Variants in PCDHA1 observed in about 807,000 individuals in gnomAD.
PCDHA1 encodes the protein protocadherin alpha-1.
Under a neutral mutation model 61.3 loss-of-function variants are expected in PCDHA1, and 42 were observed. The observed-to-expected ratio is 0.69, with a 90% CI of 0.54 to 0.89. The LOEUF (loss-of-function observed/expected upper bound fraction) is 0.89, where lower values mean the gene tolerates loss of function less well. Ranked by LOEUF, PCDHA1 falls within the 40% of genes least tolerant of loss-of-function variation. The pLI is 0.00. For synonymous variants in PCDHA1, 610 were observed against 553.8 expected (o/e 1.10, Z -1.43); for missense variants, 1,256 against 1,235.3 (o/e 1.02, Z -0.25).
chr5:140,912,533 A>G (rs570012858), intron 1 of PCDHA1, among the ~76,000 whole-genome samples: 1 of 152,224 alleles, frequency 6.6e-6, no homozygotes, highest in African/African-American at 2.4e-5. Flanking sequence ...AGAGTACATG[A>G]TCATATTGTC....
At chr5:140,875,723 T>G in intron 1 of PCDHA1, 1 of 1,614,194 alleles carries the variant, frequency 6.2e-7, no homozygotes, top group South Asian at 1.1e-5. Context: ...AATGGCATTT[T>G]GTTTGTGAAT....
intron 1 of PCDHA1, chr5:140,813,516 A>C (rs1428913887): frequency 3.3e-5 from 5 of 152,222 alleles, no homozygotes; most frequent in African/African-American, 9.6e-5. Context: ...AACATTGTAC[A>C]GATTTTTAAA....
intron 1 of PCDHA1, chr5:140,870,871 G>T (rs1257856778): frequency 1.2e-6 from 2 of 1,613,826 alleles, no homozygotes; most frequent in African/African-American, 2.7e-5. Context: ...GGGCCACGTG[G>T]TGGCGAAGGT....
intron 1 of PCDHA1, among the ~76,000 whole-genome samples, chr5:140,790,018 G>T (rs10477033): frequency 3.9e-5 from 6 of 151,954 alleles, no homozygotes; most frequent in African/African-American, 1.5e-4. Context: ...CAAAAATCAA[G>T]CCTAGGCTGA....
intron 1 of PCDHA1, chr5:140,825,526 G>C (rs1372499626): frequency 4.6e-5 from 7 of 151,322 alleles, no homozygotes; most frequent in Non-Finnish European, 8.8e-5. Flanking sequence ...CCAGGTTCAA[G>C]CGATTCTCCT....
chr5:140,823,995 C>T, intron 1 of PCDHA1: 1 of 1,614,158 alleles, frequency 6.2e-7, no homozygotes, highest in Admixed American at 1.7e-5. Context: ...CTCTGTTGTG[C>T]TCCAGCGCGG....
intron 1 of PCDHA1, among the ~76,000 whole-genome samples, chr5:140,893,236 T>C (rs1554185562): frequency 6.6e-6 from 1 of 152,236 alleles, no homozygotes. Flanking sequence ...TTTGACATAC[T>C]GGTTTCCTTT....
Position 140,788,285 on chromosome 5 carries a change from G to T in PCDHA1, c.1995G>T (p.Val665=). ...GEPALTATAT[V]LVSLVESGQA... ...CGGCGCTGACAGCCACGGCCACTGT[G>T]CTTGTATCTCTGGTGGAGAGCGGCC... is the stretch of plus-strand genomic sequence containing the variant. The change falls in exon 1 of 4, where the codon GTG becomes GTT. Residue 665 remains valine, a synonymous_variant. Transcript: ENST00000504120. The T allele has an allele frequency of 6.2e-7, 1 of 1,614,012 alleles. No individual in the cohort carries two copies. Among genetic ancestry groups the T allele is most frequent in the South Asian group, 1.1e-5 (1 of 91,086 alleles).
intron 1 of PCDHA1, among the ~76,000 whole-genome samples, chr5:140,886,387 T>C (rs1245808319): frequency 2.6e-5 from 4 of 152,234 alleles, no homozygotes; most frequent in African/African-American, 9.6e-5. Flanking sequence ...GCTTATCTAT[T>C]ATCTGCATCA....
rs139627437 is a variant in PCDHA1 at position 140,801,636 on chromosome 5, C to T, written c.2394+12952C>T. 4 of 1,614,120 alleles carry T rather than the reference C, an allele frequency of 2.5e-6. No homozygotes were observed. In the Admixed American group the frequency reaches 6.7e-5, roughly 27 times the overall value. On this transcript the variant is annotated intron_variant, in intron 1 of 3. Transcript: ENST00000504120. ...GAATCTGTTTATTTCCGAATCCCGA[C>T]AGCCTGGCTCTCGGTTTTCGCTAGA...
At chr5:140,967,560 A>C (rs2096156699) in intron 1 of PCDHA1, 2 of 1,613,966 alleles carry the variant, frequency 1.2e-6, no homozygotes, top group Non-Finnish European at 1.7e-6. Context: ...TATCGCGTCC[A>C]GCTACGGGAG....
At chr5:140,980,196 A>T (rs1404667828) in intron 2 of PCDHA1, among the ~76,000 whole-genome samples, 1 of 152,214 alleles carries the variant, frequency 6.6e-6, no homozygotes, top group Non-Finnish European at 1.5e-5. Flanking sequence ...TTTATTAGAG[A>T]CCAACTTGTG....
chr5:140,858,100 C>T lies in PCDHA1; in HGVS notation c.2394+69416C>T, dbSNP rs368579908. ...AGGCCTCGTCGCGGGCTTCAGTGGG[C>T]GTGGCGCCCGAGGTGGCCCTGGTGG... On this transcript the variant is annotated intron_variant, in intron 1 of 3. Coordinates refer to ENST00000504120, the MANE Select transcript of PCDHA1 (RefSeq NM_018900.4). 202 of 1,597,586 alleles carry T rather than the reference C, an allele frequency of 1.3e-4. 22 individuals are homozygous for T. The highest frequency in any genetic ancestry group is 1.7e-4 in the Non-Finnish European group (196 of 1,167,684).
intron 1 of PCDHA1, among the ~76,000 whole-genome samples, chr5:140,924,901 AAAAATAAAATAAAAT>A (rs10667761): frequency 2.0e-3 from 158 of 80,494 alleles, no homozygotes; most frequent in African/African-American, 5.2e-3. Context: ...TCTCAAAAAA[AAAAATAAAATAAAAT>A]AAAATAAAAT....
chr5:140,856,116 G>A, intron 1 of PCDHA1: 2 of 1,598,152 alleles, frequency 1.3e-6, no homozygotes, highest in African/African-American at 2.7e-5. Context: ...CTCGCAGCCT[G>A]GGAGGTGGGG....
At chr5:140,937,770 G>C (rs1353635012) in intron 1 of PCDHA1, among the ~76,000 whole-genome samples, 3 of 151,876 alleles carry the variant, frequency 2.0e-5, no homozygotes, top group Non-Finnish European at 4.4e-5. Flanking sequence ...AAATTAGTCG[G>C]GCGTGGTGGC....
At chr5:140,856,818 A>G in intron 1 of PCDHA1, 1 of 1,593,074 alleles carries the variant, frequency 6.3e-7, no homozygotes, top group Non-Finnish European at 8.6e-7. Flanking sequence ...CAAGTGAACC[A>G]AACATTAGTA....
At chr5:140,981,380 C>T (rs2096929731) in intron 2 of PCDHA1, among the ~76,000 whole-genome samples, 1 of 152,054 alleles carries the variant, frequency 6.6e-6, no homozygotes, top group Non-Finnish European at 1.5e-5. Flanking sequence ...TCAAGACCAG[C>T]CTGGTCAATA....
intron 1 of PCDHA1, among the ~76,000 whole-genome samples, chr5:140,936,386 A>C (rs1321919652): frequency 6.6e-6 from 1 of 152,190 alleles, no homozygotes; most frequent in African/African-American, 2.4e-5. Context: ...GTGGCTAGTG[A>C]AACTGGGCTA....
Sources: gnomAD v4.1 joint callset for allele counts (sites outside exome capture counted in the v4.1 genomes callset) on GRCh38, gnomAD v4.1.1 for gene constraint, MANE v1.5 for transcripts, NCBI Gene and HGNC (gene_info 2026-07-23, HGNC 2026-07-21) for gene names.